LEF1: variants seen among roughly 807,000 people sequenced by gnomAD.
LEF1 encodes the protein lymphoid enhancer-binding factor 1.
In LEF1, 14 loss-of-function variants were observed where a neutral mutation model predicts 51.2. That is an observed-to-expected ratio of 0.27 (90% confidence interval 0.18 to 0.43). The LOEUF is 0.43. Among genes scored for constraint, LEF1 ranks in the 20% least tolerant of loss-of-function variants. LEF1 has a pLI of 1.00. For missense variants in LEF1, 386 were observed against 512.0 expected (o/e 0.75, Z 2.37); for synonymous variants, 185 against 183.2 (o/e 1.01, Z -0.08).
chr4:108,105,181 CTTTT>C (rs5860896), intron 3 of LEF1, among the ~76,000 whole-genome samples: 1 of 131,386 alleles, frequency 7.6e-6, no homozygotes, highest in African/African-American at 2.8e-5. Context: ...GAAGAATCCA[CTTTT>C]TTTTTTTTTT....
At chr4:108,162,152 A>C (rs1745102296) in intron 3 of LEF1, among the ~76,000 whole-genome samples, 1 of 152,170 alleles carries the variant, frequency 6.6e-6, no homozygotes, top group African/African-American at 2.4e-5. Context: ...TTTATCATTA[A>C]ATACTTGAAA....
At chr4:108,085,076 CTATTTTATTT>C (rs553378973) in intron 4 of LEF1, among the ~76,000 whole-genome samples, 3 of 152,014 alleles carry the variant, frequency 2.0e-5, no homozygotes, top group South Asian at 4.1e-4. Context: ...TCTGAATTAT[CTATTTTATTT>C]TATTTTATTT....
chr4:108,061,277 T>C (rs993905486), intron 11 of LEF1, among the ~76,000 whole-genome samples: 4 of 152,102 alleles, frequency 2.6e-5, no homozygotes, highest in Non-Finnish European at 5.9e-5. Flanking sequence ...AGAGAGAACA[T>C]CTTAACCTTA....
At chr4:108,153,938 TTG>T (rs1291500646) in intron 3 of LEF1, among the ~76,000 whole-genome samples, 5 of 152,184 alleles carry the variant, frequency 3.3e-5, no homozygotes, top group African/African-American at 1.2e-4. Flanking sequence ...TAACAAGTAT[TTG>T]TGTTTGTTTA....
Position 108,167,611 on chromosome 4 carries a change from T to C in LEF1, c.157A>G (p.Ile53Val). 6.2e-7 allele frequency: 1 copy of C among 1,614,218 alleles called. No homozygotes were observed. Among genetic ancestry groups the C allele is most frequent in the Non-Finnish European group, 8.5e-7 (1 of 1,180,036 alleles). ...HPEEEGDLAD[I>V]KSSLVNESEI... ...GACTCGTTCACCAAGGAAGACTTGA[T>C]GTCAGCTAAATCGCCTTCCTCTTCG... Residue 53 changes from isoleucine to valine, a missense_variant, in exon 1 of 12, where the codon ATC (isoleucine) becomes GTC (valine). By Grantham distance (29) the Ile-to-Val change is conservative (BLOSUM62 3). This residue lies in a region of LEF1 where 335 missense variants were observed against 390.7 expected (regional missense o/e 0.86). Transcript: ENST00000265165. This position sits in a 1 kb window ranked among gnomAD's most constrained non-coding sequence, Gnocchi z 5.7.
intron 3 of LEF1, among the ~76,000 whole-genome samples, chr4:108,130,030 G>A (rs188569164): frequency 1.3e-5 from 2 of 152,284 alleles, no homozygotes; most frequent in Non-Finnish European, 2.9e-5. Flanking sequence ...ATTCAATAGT[G>A]ATCCCATTTT....
intron 6 of LEF1, among the ~76,000 whole-genome samples, chr4:108,080,981 G>A (rs1026555328): frequency 6.6e-6 from 1 of 151,998 alleles, no homozygotes; most frequent in Admixed American, 6.6e-5. Context: ...GCAGCTTCTC[G>A]GTGCGGCGCG....
chr4:108,059,233 C>A (rs1049114205), intron 11 of LEF1, among the ~76,000 whole-genome samples: 2 of 152,236 alleles, frequency 1.3e-5, no homozygotes, highest in African/African-American at 4.8e-5. Context: ...CAGGAGCCAG[C>A]CTCTCCGCTG....
intron 7 of LEF1, 197 bp from the exon 8 acceptor site, chr4:108,078,579 A>G: frequency 1.6e-6 from 1 of 630,686 alleles, no homozygotes; most frequent in East Asian, 2.8e-5. Flanking sequence ...CAACCCATCC[A>G]ATAGGGCTTC....
intron 11 of LEF1, among the ~76,000 whole-genome samples, chr4:108,060,825 A>C (rs1484226330): frequency 2.0e-5 from 3 of 151,188 alleles, no homozygotes; most frequent in African/African-American, 7.3e-5. Flanking sequence ...TCCATCCAAC[A>C]CTCTATTTCC....
chr4:108,048,423 AC>A lies in LEF1; in HGVS notation c.*334del. 1 of 314,792 alleles carries A rather than the reference AC, an allele frequency of 3.2e-6. No homozygotes were observed. The highest frequency in any genetic ancestry group is 5.8e-6 in the Non-Finnish European group (1 of 171,960). 19.5% of individuals were successfully genotyped at this position (314,792 alleles called of 1,614,324 possible). A position where few individuals can be genotyped will look rare whatever the true frequency, so the allele number is the denominator to read the frequency against. On this transcript the variant is annotated 3_prime_UTR_variant, in exon 12 of 12. Transcript: ENST00000265165. ...GGATGCAAGATGCTCTGGGAAGTGC[AC>A]GCAGATATGAGGGGAGAAAAGCTGC...
intron 8 of LEF1, among the ~76,000 whole-genome samples, chr4:108,076,869 A>G (rs996017510): frequency 6.6e-6 from 1 of 151,864 alleles, no homozygotes; most frequent in Non-Finnish European, 1.5e-5. Context: ...GAAAAAAAAA[A>G]TACAAAAATT....
intron 3 of LEF1, among the ~76,000 whole-genome samples, chr4:108,095,062 G>T (rs1437979158): frequency 6.6e-6 from 1 of 152,110 alleles, no homozygotes; most frequent in Non-Finnish European, 1.5e-5. Flanking sequence ...CCTGCTTCAG[G>T]TCTGATGTGG....
chr4:108,157,846 G>A (rs1744826981), intron 3 of LEF1, among the ~76,000 whole-genome samples: 1 of 152,198 alleles, frequency 6.6e-6, no homozygotes, highest in Non-Finnish European at 1.5e-5. Context: ...CAGGTTTACA[G>A]GTTTAGCTAC....
chr4:108,164,421 C>T (rs911472847), intron 2 of LEF1, among the ~76,000 whole-genome samples: 4 of 152,012 alleles, frequency 2.6e-5, no homozygotes, highest in Non-Finnish European at 5.9e-5. Flanking sequence ...TTCAGTTAGG[C>T]CAATTGTTAA....
rs553452625 is a variant in LEF1, at chr4:108,078,490, C to T, written c.846-108G>A. On this transcript the variant is annotated intron_variant, in intron 7 of 11. Coordinates refer to ENST00000265165, the MANE Select transcript of LEF1 (RefSeq NM_016269.5). ...GCTCACATGGCTACACTCAGGATGG[C>T]GACAACCCTCTCACCCCAGACCACC... The T allele has an allele frequency of 1.9e-5, 27 of 1,405,076 alleles. No individual in the cohort carries two copies. The East Asian group carries it at 5.3e-4, about 27-fold the overall frequency. 87.0% of individuals were successfully genotyped at this position (1,405,076 alleles called of 1,614,324 possible). A position where few individuals can be genotyped will look rare whatever the true frequency, so the allele number is the denominator to read the frequency against.
chr4:108,050,760 T>C (rs978589694), intron 11 of LEF1, among the ~76,000 whole-genome samples: 4 of 152,172 alleles, frequency 2.6e-5, no homozygotes, highest in African/African-American at 9.7e-5. Context: ...AGACTCGCCA[T>C]TGGCAGCCAG....
intron 9 of LEF1, 82 bp downstream of exon 9, chr4:108,070,581 C>A (rs575267979): frequency 2.3e-6 from 2 of 881,018 alleles, no homozygotes; most frequent in African/African-American, 3.3e-5. Flanking sequence ...GCATTATATA[C>A]ACCTAAAACA....
At chr4:108,099,592 A>ATGTG (rs1373579876) in intron 3 of LEF1, among the ~76,000 whole-genome samples, 4 of 123,822 alleles carry the variant, frequency 3.2e-5, no homozygotes, top group African/African-American at 1.2e-4. Context: ...ATATATATAT[A>ATGTG]TATATATATA....
Sources: gnomAD v4.1 joint callset for allele counts (sites outside exome capture counted in the v4.1 genomes callset) on GRCh38, gnomAD v4.1.1 for gene constraint, gnomAD v4.1.1 regional missense constraint, Gnocchi (gnomAD v3.1) non-coding constraint, MANE v1.5 for transcripts, NCBI Gene and HGNC (gene_info 2026-07-23, HGNC 2026-07-21) for gene names.